Variants in GLIS3 observed in about 807,000 individuals in gnomAD.
GLIS3 encodes GLIS family zinc finger 3, also known as zinc finger protein GLIS3.
GLIS3 carries 53 observed loss-of-function variants against 78.6 expected under a neutral mutation model. That is an observed-to-expected ratio of 0.67 (90% CI 0.54 to 0.85). GLIS3 has a LOEUF of 0.85. Ranked by LOEUF, GLIS3 falls within the 40% of genes least tolerant of loss-of-function variation. The pLI, the probability that GLIS3 is intolerant of heterozygous loss-of-function variation, is 0.00. For synonymous variants in GLIS3, 684 were observed against 509.9 expected, an observed-to-expected ratio of 1.34 and a Z score of -4.60; for missense variants, 1,703 against 1,231.1, an observed-to-expected ratio of 1.38 and a Z score of -5.74.
intron 2 of GLIS3, among the ~76,000 whole-genome samples, chr9:4,216,057 A>T (rs1820799905): frequency 6.6e-6 from 1 of 152,154 alleles, no homozygotes; most frequent in South Asian, 2.1e-4. Flanking sequence ...GGTCCACATA[A>T]ATTGACTACA....
intron 2 of GLIS3, among the ~76,000 whole-genome samples, chr9:4,180,126 A>C (rs1008690519): frequency 6.6e-6 from 1 of 152,080 alleles, no homozygotes; most frequent in African/African-American, 2.4e-5. Flanking sequence ...AGAGTCAGTG[A>C]GGGGCAGTGA....
chr9:3,855,918 G>C (rs1819751938), intron 9 of GLIS3, 91 bp downstream of exon 9: 2 of 1,355,252 alleles, frequency 1.5e-6, no homozygotes, highest in Admixed American at 1.7e-5. Flanking sequence ...GTAGAACAGA[G>C]CATCTGAAAT....
the GLIS3 span, among the ~76,000 whole-genome samples, chr9:4,361,888 G>C: frequency 1.3e-5 from 2 of 152,140 alleles, no homozygotes; most frequent in African/African-American, 4.8e-5. Context: ...GTAAATTGAA[G>C]TTTGTATGTT....
At chr9:4,073,556 C>T (rs1827793606) in intron 4 of GLIS3, among the ~76,000 whole-genome samples, 1 of 152,160 alleles carries the variant, frequency 6.6e-6, no homozygotes, top group Non-Finnish European at 1.5e-5. Flanking sequence ...CTAAGAAATA[C>T]AACGCACAGC....
intron 2 of GLIS3, among the ~76,000 whole-genome samples, chr9:4,254,245 G>C (rs1425039908): frequency 6.6e-6 from 1 of 152,116 alleles, no homozygotes; most frequent in East Asian, 1.9e-4. Context: ...AAACCAATCA[G>C]AAGATACGTG....
the GLIS3 span, among the ~76,000 whole-genome samples, chr9:4,360,188 A>G: frequency 6.6e-6 from 1 of 152,214 alleles, no homozygotes; most frequent in African/African-American, 2.4e-5. Flanking sequence ...GATTGGAATC[A>G]TCACCCAACC....
intron 2 of GLIS3, among the ~76,000 whole-genome samples, chr9:4,219,109 G>C (rs1587015857): frequency 6.6e-6 from 1 of 152,244 alleles, no homozygotes; most frequent in South Asian, 2.1e-4. Context: ...TAATGGAGGT[G>C]ATTAGTGAAT....
intron 4 of GLIS3, among the ~76,000 whole-genome samples, chr9:3,995,864 T>C (rs1342244245): frequency 6.6e-6 from 1 of 152,082 alleles, no homozygotes; most frequent in Non-Finnish European, 1.5e-5. Flanking sequence ...CAGGAGGTGA[T>C]AATACAGTGA....
rs544109345 is a variant in GLIS3 at position 3,849,848 on chromosome 9, G to C, written c.2473+6161C>G. On this transcript the variant is annotated intron_variant, in intron 9 of 10. Transcript: ENST00000381971. ...AGCTGGAACCCAGGAGGCAGAGGTTGCAGTGAACATAGATTGCGCCACTGC... is the reference window on the plus strand; with the variant it reads ...AGCTGGAACCCAGGAGGCAGAGGTTCCAGTGAACATAGATTGCGCCACTGC... Among the ~76,000 whole-genome samples the C allele has an allele frequency of 1.2e-4, 19 of 152,044 alleles. No individual in the cohort carries two copies. The South Asian group carries it at 2.1e-3, about 17-fold the overall frequency.
intron 2 of GLIS3, among the ~76,000 whole-genome samples, chr9:4,266,879 C>G (rs1826060861): frequency 6.6e-6 from 1 of 152,184 alleles, no homozygotes; most frequent in Admixed American, 6.5e-5. Context: ...CATTTGGCAA[C>G]TCTCAGAACC....
intron 2 of GLIS3, among the ~76,000 whole-genome samples, chr9:4,129,304 A>G (rs184654031): frequency 4.4e-4 from 67 of 152,208 alleles, no homozygotes; most frequent in Admixed American, 2.0e-3. Flanking sequence ...CTCCATGTCT[A>G]TGTCTTCTCA....
At chr9:4,399,734 AATGTGATAC>A in the GLIS3 span, among the ~76,000 whole-genome samples, 3 of 152,198 alleles carry the variant, frequency 2.0e-5, no homozygotes, top group Non-Finnish European at 4.4e-5. Context: ...AGTAGACTAC[AATGTGATAC>A]ATGCTACAGT....
intron 5 of GLIS3, chr9:3,932,975 T>A (rs1005310806): frequency 7.5e-6 from 2 of 266,780 alleles, no homozygotes; most frequent in Non-Finnish European, 1.5e-5. Context: ...GTAAAGTGAG[T>A]AAGAGACAGT....
intron 2 of GLIS3, among the ~76,000 whole-genome samples, chr9:4,233,017 T>C (rs1822409188): frequency 6.6e-6 from 1 of 152,200 alleles, no homozygotes; most frequent in South Asian, 2.1e-4. Flanking sequence ...AGACCATTAC[T>C]ACCACCACAC....
intron 2 of GLIS3, among the ~76,000 whole-genome samples, chr9:4,332,048 T>A (rs1333066467): frequency 6.6e-6 from 1 of 152,170 alleles, no homozygotes; most frequent in Non-Finnish European, 1.5e-5. Flanking sequence ...TCTTCTCTCT[T>A]TTAGGTTAAA....
chr9:4,352,188 G>A (rs1325899571), upstream of GLIS3, among the ~76,000 whole-genome samples: 4 of 152,332 alleles, frequency 2.6e-5, no homozygotes, highest in South Asian at 6.2e-4. Flanking sequence ...TACAGTCATT[G>A]TATTAAACTC....
intron 4 of GLIS3, among the ~76,000 whole-genome samples, chr9:4,076,324 G>A (rs1828050850): frequency 6.6e-6 from 1 of 152,058 alleles, no homozygotes; most frequent in South Asian, 2.1e-4. Context: ...ATCTTAGGTT[G>A]TCTTACTAAA....
chr9:4,227,138 G>C (rs1448957709), intron 2 of GLIS3, among the ~76,000 whole-genome samples: 2 of 152,076 alleles, frequency 1.3e-5, no homozygotes, highest in Non-Finnish European at 2.9e-5. Context: ...AGGCACTGGA[G>C]CCTCAGGTCT....
At chr9:4,364,289 A>G in the GLIS3 span, among the ~76,000 whole-genome samples, 2 of 152,224 alleles carry the variant, frequency 1.3e-5, no homozygotes, top group African/African-American at 2.4e-5. Context: ...TTAATTCTGA[A>G]AAACTGGATA....
Sources: allele counts gnomAD v4.1 joint callset (sites outside exome capture counted in the v4.1 genomes callset), GRCh38; gene constraint gnomAD v4.1.1; transcripts MANE v1.5; gene names NCBI Gene and HGNC (gene_info 2026-07-23, HGNC 2026-07-21).